Variants in ZNF892 observed in about 807,000 individuals in gnomAD.
ZNF892 encodes the protein zinc finger protein 570-like.
chr2:95,256,324 C>T, the ZNF892 span, among the ~76,000 whole-genome samples: 1 of 152,166 alleles, frequency 6.6e-6, no homozygotes, highest in African/African-American at 2.4e-5. Context: ...TTCTCCTTCA[C>T]TTATGAAGCT....
the ZNF892 span, chr2:95,214,916 G>A: frequency 1.2e-5 from 6 of 480,586 alleles, no homozygotes; most frequent in African/African-American, 1.0e-4. Flanking sequence ...CCCTTATTCG[G>A]CATCATATAA....
the ZNF892 span, among the ~76,000 whole-genome samples, chr2:95,254,555 G>A: frequency 2.0e-5 from 3 of 152,048 alleles, no homozygotes; most frequent in African/African-American, 4.8e-5. Flanking sequence ...TTTTTGTTGT[G>A]TCTCTGCCAG....
At chr2:95,233,778 G>A in the ZNF892 span, among the ~76,000 whole-genome samples, 1 of 147,314 alleles carries the variant, frequency 6.8e-6, no homozygotes, top group Non-Finnish European at 1.5e-5. Flanking sequence ...GGGATTACAG[G>A]CATGAGTCAC....
chr2:95,249,518 A>G, the ZNF892 span, among the ~76,000 whole-genome samples: 1 of 151,490 alleles, frequency 6.6e-6, no homozygotes, highest in African/African-American at 2.4e-5. Context: ...AAGTGCTGAG[A>G]TTACAGGCGT....
chr2:95,242,487 A>G, the ZNF892 span, among the ~76,000 whole-genome samples: 1,949 of 152,338 alleles, frequency 0.013, 25 homozygotes, highest in Non-Finnish European at 0.02. Context: ...AGAGCTTCTG[A>G]GGGAAGCACT....
At chr2:95,208,670 CCTT>C in the ZNF892 span, 2 of 398,504 alleles carry the variant, frequency 5.0e-6, no homozygotes, top group African/African-American at 4.1e-5. Context: ...AGGACTCAGA[CCTT>C]CTCCATGCTG....
chr2:95,220,387 G>C, the ZNF892 span, among the ~76,000 whole-genome samples: 3 of 149,318 alleles, frequency 2.0e-5, no homozygotes, highest in African/African-American at 7.4e-5. Context: ...TGGCGTTTCC[G>C]GGTTGCCAGC....
chr2:95,222,150 G>A, the ZNF892 span, among the ~76,000 whole-genome samples: 1 of 152,164 alleles, frequency 6.6e-6, no homozygotes, highest in South Asian at 2.1e-4. Context: ...TGAGTATAAA[G>A]GCTTTGATTT....
At chr2:95,221,162 A>G in the ZNF892 span, among the ~76,000 whole-genome samples, 23 of 152,308 alleles carry the variant, frequency 1.5e-4, no homozygotes, top group East Asian at 1.5e-3. Flanking sequence ...AATGGATGCA[A>G]ATGTGGTTTG....
At chr2:95,224,565 C>A in the ZNF892 span, among the ~76,000 whole-genome samples, 1 of 152,096 alleles carries the variant, frequency 6.6e-6, no homozygotes, top group Non-Finnish European at 1.5e-5. Flanking sequence ...TTAAAACAAC[C>A]AGATCTCATG....
chr2:95,234,157 A>G, the ZNF892 span, among the ~76,000 whole-genome samples: 2 of 152,096 alleles, frequency 1.3e-5, no homozygotes, highest in South Asian at 4.1e-4. Flanking sequence ...TTTGTGAAAT[A>G]TGTGTGTCTT....
At chr2:95,255,712 C>A in the ZNF892 span, among the ~76,000 whole-genome samples, 2 of 152,268 alleles carry the variant, frequency 1.3e-5, no homozygotes, top group African/African-American at 4.8e-5. Flanking sequence ...GTGTGGGAGT[C>A]TAAGTCTCTT....
chr2:95,220,900 CAT>C, the ZNF892 span, among the ~76,000 whole-genome samples: 5 of 152,128 alleles, frequency 3.3e-5, no homozygotes, highest in African/African-American at 9.7e-5. Flanking sequence ...GTTTGAAAAA[CAT>C]ATGAGAAGCA....
chr2:95,237,774 T>C, the ZNF892 span, among the ~76,000 whole-genome samples: 4 of 152,222 alleles, frequency 2.6e-5, no homozygotes, highest in Admixed American at 6.5e-5. Flanking sequence ...CTAGTGAACA[T>C]TGAAATGATA....
At chr2:95,245,455 G>C in the ZNF892 span, among the ~76,000 whole-genome samples, 2 of 105,438 alleles carry the variant, frequency 1.9e-5, no homozygotes, top group East Asian at 2.4e-4. Context: ...GACGGCGGGG[G>C]GGGGGGGGTT....
At chr2:95,233,412 G>A in the ZNF892 span, among the ~76,000 whole-genome samples, 1 of 151,406 alleles carries the variant, frequency 6.6e-6, no homozygotes, top group Admixed American at 6.6e-5. Flanking sequence ...GGTGGCTCAC[G>A]CCTGTAATCC....
chr2:95,230,458 C>G, the ZNF892 span, among the ~76,000 whole-genome samples: 1 of 152,176 alleles, frequency 6.6e-6, no homozygotes, highest in African/African-American at 2.4e-5. Context: ...GTTATATTCT[C>G]TTTAAAAGTG....
At chr2:95,244,533 T>C in the ZNF892 span, among the ~76,000 whole-genome samples, 24 of 152,242 alleles carry the variant, frequency 1.6e-4, no homozygotes, top group African/African-American at 5.3e-4. Flanking sequence ...AACACCCATA[T>C]TCATAAAGCA....
the ZNF892 span, among the ~76,000 whole-genome samples, chr2:95,208,380 A>G: frequency 1.3e-5 from 2 of 152,214 alleles, no homozygotes; most frequent in African/African-American, 4.8e-5. Flanking sequence ...TTTGAGTATT[A>G]TTTTGACTAC....
Sources: gnomAD v4.1 joint callset for allele counts (sites outside exome capture counted in the v4.1 genomes callset) on GRCh38, gnomAD v4.1.1 for gene constraint, MANE v1.5 for transcripts, NCBI Gene and HGNC (gene_info 2026-07-23, HGNC 2026-07-21) for gene names.